MYT1L: variants seen among roughly 807,000 people sequenced by gnomAD.
MYT1L encodes myelin transcription factor 1-like protein.
Under a neutral mutation model 126.7 loss-of-function variants are expected in MYT1L, and 12 were observed. That is an observed-to-expected ratio of 0.09 (90% confidence interval 0.06 to 0.15). The LOEUF (loss-of-function observed/expected upper bound fraction) is 0.15, where lower values mean the gene tolerates loss of function less well. MYT1L is among the 10% of genes least tolerant of loss of function. The pLI is 1.00. For synonymous variants in MYT1L, 541 were observed against 604.2 expected, an observed-to-expected ratio of 0.90 and a Z score of 1.53; for missense variants, 979 against 1,585.2, an observed-to-expected ratio of 0.62 and a Z score of 6.49.
intron 4 of MYT1L, among the ~76,000 whole-genome samples, chr2:2,044,009 T>C (rs1024009767): frequency 6.6e-6 from 1 of 152,124 alleles, no homozygotes; most frequent in Non-Finnish European, 1.5e-5. Flanking sequence ...AAGGAGAGAG[T>C]TCAAAAGGTA....
At chr2:2,178,593 C>G (rs1559241537) in intron 2 of MYT1L, among the ~76,000 whole-genome samples, 1 of 152,160 alleles carries the variant, frequency 6.6e-6, no homozygotes, top group Non-Finnish European at 1.5e-5. Context: ...TTGGGGCTCT[C>G]TCTGTCCCCT....
At chr2:2,245,168 G>C (rs1332983139) in intron 2 of MYT1L, among the ~76,000 whole-genome samples, 1 of 152,096 alleles carries the variant, frequency 6.6e-6, no homozygotes, top group Non-Finnish European at 1.5e-5. Flanking sequence ...TAGGCACAGG[G>C]GATGAAAAAA....
rs527384744 is a variant in MYT1L, at chr2:2,037,804, C to CA, written c.-158+16173dup. Among the ~76,000 whole-genome samples, 254 of 140,004 alleles carry CA rather than the reference C, an allele frequency of 1.8e-3. 2 individuals are homozygous for CA. The South Asian group carries it at 0.028, about 15-fold the overall frequency. The allele number at this position is 140,004 out of a possible 152,430, so 91.8% of individuals were successfully genotyped here. ...AAACCCCCCCAAAAAAACAAAAAAA[C>CA]AAAAAAAAAACCCCCTACACACTTC... On this transcript the variant is annotated intron_variant, in intron 4 of 24. Transcript: ENST00000647738.
At position 2,202,299 on chromosome 2, in the gene MYT1L, CA is replaced by C. The variant is rs995507033; in HGVS notation, c.-420-29312del. Among the ~76,000 whole-genome samples, 5 of 151,870 alleles carry C rather than the reference CA, an allele frequency of 3.3e-5. No individual in the cohort carries two copies. The East Asian group carries it at 5.8e-4, about 18-fold the overall frequency. On this transcript the variant is annotated intron_variant, in intron 2 of 24. Coordinates refer to ENST00000647738, the MANE Select transcript of MYT1L (RefSeq NM_001303052.2). ...AGCAGGACTGAAGGAAATAGAGACA[CA>C]AAAAAACCTTCAAAAAATCAATGAA... is the stretch of plus-strand genomic sequence containing the variant.
At chr2:1,957,159 C>G (rs370304979) in intron 8 of MYT1L, among the ~76,000 whole-genome samples, 9 of 152,254 alleles carry the variant, frequency 5.9e-5, no homozygotes, top group African/African-American at 1.9e-4. Flanking sequence ...TCACTGGGCG[C>G]GTGGCTTGAG....
chr2:1,926,902 T>C (rs1481864183), intron 9 of MYT1L, among the ~76,000 whole-genome samples: 2 of 152,270 alleles, frequency 1.3e-5, no homozygotes, highest in African/African-American at 4.8e-5. Flanking sequence ...GTATGTGTGA[T>C]AAAAGAGCAA....
At chr2:2,157,908 A>C (rs1231241981) in intron 3 of MYT1L, among the ~76,000 whole-genome samples, 1 of 152,080 alleles carries the variant, frequency 6.6e-6, no homozygotes, top group Non-Finnish European at 1.5e-5. Flanking sequence ...CAGACAACGG[A>C]TCCACAGAGC....
At chr2:2,185,224 T>C (rs927049801) in intron 2 of MYT1L, among the ~76,000 whole-genome samples, 20 of 152,162 alleles carry the variant, frequency 1.3e-4, no homozygotes, top group African/African-American at 4.6e-4. Flanking sequence ...AGCAAACACA[T>C]TGAAGGTAAA....
chr2:1,864,563 C>T (rs1043701555), intron 18 of MYT1L, among the ~76,000 whole-genome samples: 5 of 152,140 alleles, frequency 3.3e-5, no homozygotes, highest in African/African-American at 9.7e-5. Flanking sequence ...CAGTCGCCGT[C>T]CCCAGGCTGA....
At chr2:2,018,343 C>T (rs114983387) in intron 4 of MYT1L, among the ~76,000 whole-genome samples, 5,063 of 152,218 alleles carry the variant, frequency 0.033, 134 homozygotes, top group Non-Finnish European at 0.05. Flanking sequence ...TGGTGCATCC[C>T]AGAGCCCTCC....
chr2:2,320,188 C>T (rs759268589), intron 1 of MYT1L, among the ~76,000 whole-genome samples: 1 of 152,010 alleles, frequency 6.6e-6, no homozygotes, highest in Non-Finnish European at 1.5e-5. Flanking sequence ...GACATAGTCC[C>T]CTGATCTTGA....
intron 2 of MYT1L, among the ~76,000 whole-genome samples, chr2:2,261,997 G>T (rs147931959): frequency 9.2e-4 from 140 of 152,280 alleles, no homozygotes; most frequent in South Asian, 3.5e-3. Flanking sequence ...ATGATAAAAT[G>T]AACCCAACTC....
rs942986867 is a variant in MYT1L at position 1,811,458 on chromosome 2, C to G, written c.3081-2291G>C. The G allele has an allele frequency of 6.6e-6, 1 of 151,716 alleles. No individual in the cohort carries two copies. Among genetic ancestry groups the G allele is most frequent in the African/African-American group, 2.4e-5 (1 of 41,012 alleles). The allele number at this position is 151,716 out of a possible 1,614,324, so 9.4% of individuals were successfully genotyped here. ...CTATCCCATCCCAGGGCAAGCCGCACGGGAAGCCCCAGGAGCAGAGAGGCC... is the reference window on the plus strand; with the variant it reads ...CTATCCCATCCCAGGGCAAGCCGCAGGGGAAGCCCCAGGAGCAGAGAGGCC... On this transcript the variant is annotated intron_variant, in intron 21 of 24. Transcript: ENST00000647738. This position sits in a 1 kb window ranked among gnomAD's most constrained non-coding sequence, Gnocchi z 4.4.
intron 3 of MYT1L, among the ~76,000 whole-genome samples, chr2:2,057,554 C>A (rs915498136): frequency 2.6e-5 from 4 of 152,156 alleles, no homozygotes; most frequent in Admixed American, 1.3e-4. Flanking sequence ...TTTTTCATAA[C>A]CAAGCCCAGC....
chr2:2,329,522 G>A (rs1190191547), intron 1 of MYT1L, among the ~76,000 whole-genome samples: 1 of 151,958 alleles, frequency 6.6e-6, no homozygotes, highest in African/African-American at 2.4e-5. Context: ...TAATCTATCA[G>A]AATTTTATTG....
chr2:1,874,480 CTG>C (rs1399743322), intron 18 of MYT1L, among the ~76,000 whole-genome samples: 3 of 152,190 alleles, frequency 2.0e-5, no homozygotes, highest in Non-Finnish European at 4.4e-5. Flanking sequence ...CTCTCCCCTG[CTG>C]TGGGGAGGGC....
At chr2:2,235,934 A>G (rs1461212678) in intron 2 of MYT1L, among the ~76,000 whole-genome samples, 1 of 152,202 alleles carries the variant, frequency 6.6e-6, no homozygotes, top group Non-Finnish European at 1.5e-5. Flanking sequence ...TTGAAAATCC[A>G]ATAGTTTCAT....
chr2:1,864,328 T>G (rs1213866369), intron 18 of MYT1L, among the ~76,000 whole-genome samples: 2 of 152,152 alleles, frequency 1.3e-5, no homozygotes, highest in Non-Finnish European at 2.9e-5. Flanking sequence ...GGCTGCACCC[T>G]CCACGGAGTC....
intron 1 of MYT1L, among the ~76,000 whole-genome samples, chr2:2,322,875 T>A (rs528639166): frequency 6.6e-6 from 1 of 152,316 alleles, no homozygotes; most frequent in East Asian, 1.9e-4. Context: ...TAAGATTTCA[T>A]GAATCTGCTT....
Sources: allele counts gnomAD v4.1 joint callset (sites outside exome capture counted in the v4.1 genomes callset), GRCh38; gene constraint gnomAD v4.1.1; non-coding constraint Gnocchi (gnomAD v3.1); transcripts MANE v1.5; gene names NCBI Gene and HGNC (gene_info 2026-07-23, HGNC 2026-07-21).